The following PON2 variants were observed in gnomAD, a reference collection of about 807,000 sequenced individuals.
PON2 encodes the protein serum paraoxonase/arylesterase 2.
PON2 carries 27 observed loss-of-function variants against 36.6 expected under a neutral mutation model. The observed-to-expected ratio is 0.74, with a 90% CI of 0.54 to 1.02. The LOEUF is 1.02. PON2 is among the 50% of genes least tolerant of loss of function. PON2 has a pLI of 0.00. For synonymous variants in PON2, 149 were observed against 156.3 expected (o/e 0.95, Z 0.35); for missense variants, 363 against 421.1 (o/e 0.86, Z 1.21).
At chr7:95,430,280 C>A (rs1789406397) in intron 1 of PON2, among the ~76,000 whole-genome samples, 4 of 151,414 alleles carry the variant, frequency 2.6e-5, no homozygotes, top group African/African-American at 9.7e-5. Flanking sequence ...GCCTGGGCAA[C>A]ACAGCAAGAC....
intron 1 of PON2, among the ~76,000 whole-genome samples, chr7:95,432,944 C>T (rs904213433): frequency 6.6e-6 from 1 of 152,158 alleles, no homozygotes. Context: ...AGTTTGGGTC[C>T]CTGTTATCCT....
At chr7:95,411,255 A>G (rs1788915734) in intron 5 of PON2, among the ~76,000 whole-genome samples, 1 of 152,176 alleles carries the variant, frequency 6.6e-6, no homozygotes, top group Non-Finnish European at 1.5e-5. Flanking sequence ...CAAACCCAAT[A>G]AAAAACAGGC....
intron 3 of PON2, among the ~76,000 whole-genome samples, chr7:95,414,559 G>A (rs904768550): frequency 1.6e-4 from 24 of 152,114 alleles, no homozygotes; most frequent in Non-Finnish European, 3.2e-4. Context: ...GGGGGCTGGA[G>A]AGAAATCTTG....
chr7:95,407,258 T>C (rs1034527297), intron 6 of PON2, among the ~76,000 whole-genome samples, 190 bp from the exon 7 acceptor site: 1 of 152,154 alleles, frequency 6.6e-6, no homozygotes. Context: ...GCTACAACAA[T>C]CATGGAATTA....
At chr7:95,411,398 TTCA>T (rs1208002067) in intron 5 of PON2, among the ~76,000 whole-genome samples, 1 of 152,162 alleles carries the variant, frequency 6.6e-6, no homozygotes, top group African/African-American at 2.4e-5. Context: ...AGTCGGGCAC[TTCA>T]TCATTTCTCA....
chr7:95,431,779 G>A (rs571745425), intron 1 of PON2, among the ~76,000 whole-genome samples: 154 of 152,040 alleles, frequency 1.0e-3, no homozygotes, highest in Non-Finnish European at 3.8e-4. Flanking sequence ...GAAGGCACTC[G>A]AACATATGAT....
rs552426786 is a variant in PON2 at position 95,430,386 on chromosome 7, C to T, written c.74+4492G>A. On this transcript the variant is annotated intron_variant, in intron 1 of 8. Transcript: ENST00000222572. ...GAGTGCAATGGCTCACTGCAACCTC[C>T]GCCTCCCGGGTTCAAGTGATTCTCC... Among the ~76,000 whole-genome samples, 13 of 151,904 alleles carry T rather than the reference C, an allele frequency of 8.6e-5. No homozygotes were observed. In the East Asian group the frequency reaches 9.7e-4, roughly 11 times the overall value.
intron 5 of PON2, among the ~76,000 whole-genome samples, chr7:95,411,254 T>TA (rs1369495041): frequency 6.6e-6 from 1 of 151,932 alleles, no homozygotes; most frequent in African/African-American, 2.4e-5. Context: ...ACAAACCCAA[T>TA]AAAAAACAGG....
At position 95,406,628 on chromosome 7, in the gene PON2, C is replaced by G. The variant is rs1024688567; in HGVS notation, c.777+359G>C. On this transcript the variant is annotated intron_variant, in intron 7 of 8. Transcript: ENST00000222572. ...ATAATAATGGTGTGGAACCCAATTT[C>G]TACCTTCATGTATTATTGAAAGAAC... is the stretch of plus-strand genomic sequence containing the variant. 1.3e-4 allele frequency among the ~76,000 whole-genome samples: 20 copies of G among 152,268 alleles called. No individual in the cohort carries two copies. In the Middle Eastern group the frequency reaches 0.01, roughly 78 times the overall value.
chr7:95,417,688 C>A (rs961314446), intron 2 of PON2, among the ~76,000 whole-genome samples: 1 of 140,224 alleles, frequency 7.1e-6, no homozygotes, highest in Non-Finnish European at 1.5e-5. Context: ...CATGTACACA[C>A]AGACACACAC....
intron 2 of PON2, among the ~76,000 whole-genome samples, chr7:95,420,591 AT>A (rs1789169860): frequency 6.6e-6 from 1 of 152,192 alleles, no homozygotes. Flanking sequence ...ATGATATGAT[AT>A]ATATAAAGCA....
At chr7:95,412,855 T>C in intron 3 of PON2, 1 of 308,902 alleles carries the variant, frequency 3.2e-6, no homozygotes, top group Non-Finnish European at 6.2e-6. Flanking sequence ...CTTCTCCCAC[T>C]GATTCAAAAT....
Position 95,435,000 on chromosome 7 carries a change from C to G in PON2, c.-49G>C, listed in dbSNP as rs1312362697. On this transcript the variant is annotated 5_prime_UTR_variant, in exon 1 of 9. Transcript: ENST00000222572. ...CTCGCTCCGGCCTGGCCAGCAGCTC[C>G]GTGGGCGGTGCCATCTTCCCGGCTC... The G allele has an allele frequency of 6.7e-7, 1 of 1,487,030 alleles. No individual in the cohort carries two copies. The highest frequency in any genetic ancestry group is 2.2e-5 in the Admixed American group (1 of 45,636). The allele number at this position is 1,487,030 out of a possible 1,614,324, so 92.1% of individuals were successfully genotyped here.
Position 95,406,143 on chromosome 7 carries a change from G to T in PON2, c.882C>A (p.Asp294Glu), listed in dbSNP as rs199737014. 1.9e-6 allele frequency: 3 copies of T among 1,613,808 alleles called. No individual in the cohort carries two copies. The highest frequency in any genetic ancestry group is 2.5e-6 in the Non-Finnish European group (3 of 1,179,770). The change falls in exon 8 of 9, where the codon GAC becomes GAA. Residue 294 changes from aspartate to glutamate, a missense_variant. Asp to Glu is a conservative substitution (Grantham distance 45). Coordinates refer to ENST00000222572, the MANE Select transcript of PON2 (RefSeq NM_000305.3). ...HPNGQKLFVY[D>E]PNNPPSSEVL... ...CCTCTGACGAGGGAGGATTGTTCGG[G>T]TCATACACGAAGAGCTTCTGGCCAT...
intron 1 of PON2, among the ~76,000 whole-genome samples, chr7:95,429,751 T>C (rs1431843256): frequency 6.6e-6 from 1 of 152,214 alleles, no homozygotes. Flanking sequence ...TTATCTCCTA[T>C]GTGCAAGTGA....
intron 1 of PON2, among the ~76,000 whole-genome samples, chr7:95,427,159 T>C (rs1454555915): frequency 6.6e-6 from 1 of 152,208 alleles, no homozygotes; most frequent in African/African-American, 2.4e-5. Flanking sequence ...TCCTTTTTGA[T>C]AAAAGAAAAT....
At chr7:95,420,622 T>G (rs1360288555) in intron 2 of PON2, among the ~76,000 whole-genome samples, 1 of 152,210 alleles carries the variant, frequency 6.6e-6, no homozygotes, top group Non-Finnish European at 1.5e-5. Flanking sequence ...TGCACATAGT[T>G]CACTTCCAGT....
intron 5 of PON2, 137 bp downstream of exon 5, chr7:95,411,516 G>A: frequency 9.0e-7 from 1 of 1,109,700 alleles, no homozygotes; most frequent in Non-Finnish European, 1.3e-6. Flanking sequence ...TATAAATAAG[G>A]AAATATAAGC....
chr7:95,405,194 C>T lies in PON2; in HGVS notation c.*136G>A, dbSNP rs1809645337. 3.3e-6 allele frequency: 3 copies of T among 918,542 alleles called. No individual in the cohort carries two copies. Among genetic ancestry groups the T allele is most frequent in the African/African-American group, 1.7e-5 (1 of 59,984 alleles). 56.9% of individuals were successfully genotyped at this position (918,542 alleles called of 1,614,324 possible). A position where few individuals can be genotyped will look rare whatever the true frequency, so the allele number is the denominator to read the frequency against. On this transcript the variant is annotated 3_prime_UTR_variant, in exon 9 of 9. Transcript: ENST00000222572. ...AAAGTGCTCTAAGAACTAAAAGGGCCGTTCCTTACTGGAATAAAATTAACT... is the reference window on the plus strand; with the variant it reads ...AAAGTGCTCTAAGAACTAAAAGGGCTGTTCCTTACTGGAATAAAATTAACT...
Sources: gnomAD v4.1 joint callset for allele counts (sites outside exome capture counted in the v4.1 genomes callset) on GRCh38, gnomAD v4.1.1 for gene constraint, MANE v1.5 for transcripts, NCBI Gene and HGNC (gene_info 2026-07-23, HGNC 2026-07-21) for gene names.